LRRIQ1: variants seen among roughly 807,000 people sequenced by gnomAD.
LRRIQ1 encodes leucine rich repeats and IQ motif containing 1.
A neutral mutation model predicts 211.9 loss-of-function variants in LRRIQ1; 210 were observed. That is an observed-to-expected ratio of 0.99 (90% CI 0.89 to 1.11). LRRIQ1 has a LOEUF of 1.11. LRRIQ1 is among the 50% of genes most tolerant of loss of function. LRRIQ1 has a pLI of 0.00. For missense variants in LRRIQ1, 2,136 were observed against 1,939.5 expected, an observed-to-expected ratio of 1.10 and a Z score of -1.90; for synonymous variants, 699 against 650.1, an observed-to-expected ratio of 1.08 and a Z score of -1.14.
intron 24 of LRRIQ1, among the ~76,000 whole-genome samples, chr12:85,189,646 A>C (rs11116736): frequency 0.057 from 8,685 of 151,538 alleles, 831 homozygotes; most frequent in African/African-American, 0.2. Flanking sequence ...TAGTGACTGG[A>C]TAAAAAATTA....
intron 24 of LRRIQ1, among the ~76,000 whole-genome samples, chr12:85,197,261 T>A (rs1170201932): frequency 6.6e-6 from 1 of 151,564 alleles, no homozygotes; most frequent in Non-Finnish European, 1.5e-5. Flanking sequence ...ATTGTGGAAG[T>A]CAGTGTGGCG....
chr12:85,127,503 C>G (rs911533148), intron 17 of LRRIQ1, among the ~76,000 whole-genome samples: 1 of 152,198 alleles, frequency 6.6e-6, no homozygotes, highest in African/African-American at 2.4e-5. Context: ...TGTCCTCTCT[C>G]TTCTGCCTCA....
intron 8 of LRRIQ1, among the ~76,000 whole-genome samples, chr12:85,064,651 G>C (rs1882233707): frequency 6.6e-6 from 1 of 151,756 alleles, no homozygotes; most frequent in Non-Finnish European, 1.5e-5. Flanking sequence ...CAGTTTCATA[G>C]TTTGGGGTCT....
intron 1 of LRRIQ1, among the ~76,000 whole-genome samples, chr12:85,255,781 T>C (rs1171816607): frequency 1.3e-5 from 2 of 151,612 alleles, no homozygotes; most frequent in African/African-American, 4.8e-5. Flanking sequence ...ATTTTTTAGG[T>C]GTTGATATTT....
chr12:85,110,736 G>A (rs1051661825), intron 15 of LRRIQ1, among the ~76,000 whole-genome samples: 7 of 152,024 alleles, frequency 4.6e-5, no homozygotes, highest in Admixed American at 6.6e-5. Context: ...ACTAATAAAA[G>A]CAATTCTGGG....
intron 13 of LRRIQ1, among the ~76,000 whole-genome samples, chr12:85,100,879 T>C (rs941431028): frequency 6.6e-6 from 1 of 151,920 alleles, no homozygotes; most frequent in East Asian, 1.9e-4. Context: ...GTAGAAATTA[T>C]CTATTTTAAT....
At chr12:85,053,551 G>A (rs1265257936) in intron 7 of LRRIQ1, among the ~76,000 whole-genome samples, 1 of 152,120 alleles carries the variant, frequency 6.6e-6, no homozygotes, top group African/African-American at 2.4e-5. Flanking sequence ...AATGATAATG[G>A]TTTCTTTGTT....
At position 85,056,653 on chromosome 12, in the gene LRRIQ1, T is replaced by C. The variant is rs1487622289; in HGVS notation, c.1860T>C (p.Asn620=). 6.3e-7 allele frequency: 1 copy of C among 1,599,132 alleles called. No homozygotes were observed. Among genetic ancestry groups the C allele is most frequent in the Admixed American group, 1.7e-5 (1 of 57,378 alleles). Residue 620 remains asparagine (N), a synonymous_variant, in exon 8 of 27, where the codon AAT becomes AAC. Transcript: ENST00000393217. The stretch of plus-strand genomic sequence containing the variant: ...GATCACTCTCACTAACATCAGAAAA[T>C]TCCAAAGATGTAAGAGAAAACGTAA... The part of the protein sequence containing the change: ...KQRSLSLTSE[N]SKDVRENVIL...
At chr12:85,165,167 G>A (rs944561198) in intron 24 of LRRIQ1, among the ~76,000 whole-genome samples, 2 of 152,040 alleles carry the variant, frequency 1.3e-5, no homozygotes, top group Non-Finnish European at 2.9e-5. Flanking sequence ...TTTAGATTCA[G>A]GGGTAACATG....
At chr12:85,168,158 C>T (rs1237423780) in intron 24 of LRRIQ1, among the ~76,000 whole-genome samples, 3 of 152,190 alleles carry the variant, frequency 2.0e-5, no homozygotes, top group African/African-American at 7.2e-5. Flanking sequence ...AGCACCTCAG[C>T]AGGTCATGGT....
rs1881039301 is a variant in LRRIQ1, at chr12:85,056,213, A to T, written c.1420A>T (p.Ile474Phe). Reference sequence around the variant, plus strand: ...AAAAGAATCTATATCAAGCCAAACAATTCTGGCAGATTTTAAAATGGAAGA... The same window carrying T: ...AAAAGAATCTATATCAAGCCAAACATTTCTGGCAGATTTTAAAATGGAAGA... ...KLKESISSQT[I>F]LADFKMEEKN... The change falls in exon 8 of 27, where the codon ATT becomes TTT. Residue 474 changes from isoleucine (I) to phenylalanine (F), a missense_variant. Ile to Phe is a conservative substitution (Grantham distance 21). Coordinates refer to ENST00000393217, the MANE Select transcript of LRRIQ1 (RefSeq NM_001079910.2). The T allele has an allele frequency of 6.4e-7, 1 of 1,571,106 alleles. No homozygotes were observed. The highest frequency in any genetic ancestry group is 1.4e-5 in the African/African-American group (1 of 72,302).
At chr12:85,084,975 A>G (rs1158979734) in intron 11 of LRRIQ1, among the ~76,000 whole-genome samples, 2 of 152,168 alleles carry the variant, frequency 1.3e-5, no homozygotes, top group Non-Finnish European at 2.9e-5. Context: ...TCATTCTGGA[A>G]ATATATTATG....
chr12:85,270,398 G>C, the LRRIQ1 span, among the ~76,000 whole-genome samples: 1 of 151,914 alleles, frequency 6.6e-6, no homozygotes, highest in African/African-American at 2.4e-5. Flanking sequence ...TATGTTTATA[G>C]CCTACCTGAA....
Position 85,040,488 on chromosome 12 carries a change from A to G in LRRIQ1, c.133-2A>G, listed in dbSNP as rs1034823459. ...AGTTTCTTGTATTATTCAAATTTTT[A>G]GGATTCAGTTGAATTACCAGAATCA... is the stretch of plus-strand genomic sequence containing the variant. On this transcript the variant is annotated splice_acceptor_variant, in intron 2 of 26. Coordinates refer to ENST00000393217, the MANE Select transcript of LRRIQ1 (RefSeq NM_001079910.2). LOFTEE classifies it high-confidence loss of function. 6.6e-6 allele frequency: 10 copies of G among 1,516,186 alleles called. No individual in the cohort carries two copies. Among genetic ancestry groups the G allele is most frequent in the African/African-American group, 1.4e-5 (1 of 71,042 alleles). The allele number at this position is 1,516,186 out of a possible 1,614,324, so 93.9% of individuals were successfully genotyped here.
At chr12:85,110,485 C>T (rs943967774) in intron 15 of LRRIQ1, among the ~76,000 whole-genome samples, 4 of 152,208 alleles carry the variant, frequency 2.6e-5, no homozygotes, top group Admixed American at 2.0e-4. Context: ...ACATAGCTAT[C>T]AAGTAGAGGA....
chr12:85,271,037 C>A, the LRRIQ1 span, among the ~76,000 whole-genome samples: 1 of 152,254 alleles, frequency 6.6e-6, no homozygotes, highest in East Asian at 1.9e-4. Context: ...GGAAGACACT[C>A]GTGTTCTAAG....
chr12:85,251,047 C>A (rs1343519500), intron 1 of LRRIQ1, among the ~76,000 whole-genome samples: 1 of 131,644 alleles, frequency 7.6e-6, no homozygotes, highest in Non-Finnish European at 1.6e-5. Flanking sequence ...TAATAATTTT[C>A]ATATATGTAT....
At chr12:85,254,592 G>A (rs1172538274) in intron 1 of LRRIQ1, among the ~76,000 whole-genome samples, 2 of 152,000 alleles carry the variant, frequency 1.3e-5, no homozygotes, top group East Asian at 3.9e-4. Context: ...AAGAAATTTA[G>A]TTTTGTTTCA....
chr12:85,204,186 T>C (rs192918867), intron 24 of LRRIQ1, among the ~76,000 whole-genome samples: 6 of 152,276 alleles, frequency 3.9e-5, no homozygotes, highest in Admixed American at 1.3e-4. Context: ...CCACATGGTG[T>C]TGATCCTGCA....
Sources: allele counts gnomAD v4.1 joint callset (sites outside exome capture counted in the v4.1 genomes callset), GRCh38; gene constraint gnomAD v4.1.1; transcripts MANE v1.5; gene names NCBI Gene and HGNC (gene_info 2026-07-23, HGNC 2026-07-21).